Variants in PLS3 observed in about 807,000 individuals in gnomAD.
The protein encoded by PLS3 is plastin 3, also known as plastin-3.
PLS3 carries 11 observed loss-of-function variants against 46.5 expected under a neutral mutation model. That is an observed-to-expected ratio of 0.24 (90% confidence interval 0.15 to 0.39). The LOEUF (loss-of-function observed/expected upper bound fraction) is 0.39, where lower values mean the gene tolerates loss of function less well. Among genes scored for constraint, PLS3 ranks in the 10% least tolerant of loss-of-function variants. The pLI, the probability that PLS3 is intolerant of heterozygous loss-of-function variation, is 1.00. For missense variants in PLS3, 308 were observed against 461.8 expected, an observed-to-expected ratio of 0.67 and a Z score of 3.05; for synonymous variants, 167 against 162.2, an observed-to-expected ratio of 1.03 and a Z score of -0.22.
intron 5 of PLS3, 56 bp from the exon 6 acceptor site, chrX:115,633,944 A>C: frequency 1.6e-6 from 1 of 623,688 alleles, no homozygotes; most frequent in Admixed American, 2.6e-5. Flanking sequence ...GCCACTTTAT[A>C]AAAGGAAATC....
chrX:115,578,691 C>CAAAAAAAAAAAAAA (rs373605509), intron 1 of PLS3, among the ~76,000 whole-genome samples: 1 of 26,962 alleles, frequency 3.7e-5, no homozygotes, highest in Non-Finnish European at 6.9e-5. Flanking sequence ...CGCCACTGCA[C>CAAAAAAAAAAAAAA]AAAAAAAAAA....
At chrX:115,615,826 G>A (rs1285894714) in intron 2 of PLS3, among the ~76,000 whole-genome samples, 3 of 111,720 alleles carry the variant, frequency 2.7e-5, no homozygotes. Flanking sequence ...TGCTGGCATT[G>A]AAACTGCACT....
At chrX:115,634,202 G>A in intron 6 of PLS3, 121 bp downstream of exon 6, 4 of 476,931 alleles carry the variant, frequency 8.4e-6, no homozygotes, top group Non-Finnish European at 3.7e-6. Flanking sequence ...TTGAGTGTGG[G>A]ATTGTTATCC....
At chrX:115,587,150 A>G (rs73636300) in intron 1 of PLS3, among the ~76,000 whole-genome samples, 2,003 of 112,533 alleles carry the variant, frequency 0.018, 46 homozygotes, top group African/African-American at 0.061. Context: ...CTGAATCAAG[A>G]TAGTGGCCCC....
intron 5 of PLS3, among the ~76,000 whole-genome samples, chrX:115,632,171 C>A (rs187849831): frequency 9.0e-6 from 1 of 111,237 alleles, no homozygotes; most frequent in African/African-American, 3.3e-5. Flanking sequence ...CTGCAGAACT[C>A]AAAAAATCTA....
chrX:115,636,910 A>C lies in PLS3; in HGVS notation c.823A>C (p.Arg275=). Residue 275 remains arginine, a synonymous_variant, in exon 8 of 16, where the codon AGA becomes CGA. Coordinates refer to ENST00000355899, the MANE Select transcript of PLS3 (RefSeq NM_005032.7). ...MKLSPEELLL[R]WANFHLENSG... is the part of the protein sequence containing the mutation. Reference sequence around the variant, plus strand: ...ATTGTCTCCAGAAGAGCTTCTGCTTAGATGGGCAAACTTTCATTTGGAAAA... The same window carrying C: ...ATTGTCTCCAGAAGAGCTTCTGCTTCGATGGGCAAACTTTCATTTGGAAAA... 3.3e-6 allele frequency: 4 copies of C among 1,208,687 alleles called. No individual in the cohort carries two copies. Among genetic ancestry groups the C allele is most frequent in the Non-Finnish European group, 4.5e-6 (4 of 893,078 alleles).
rs191983147 is a variant in PLS3 at position 115,613,271 on chromosome X, T to C, written c.73+2948T>C. Among the ~76,000 whole-genome samples, 3 of 111,509 alleles carry C rather than the reference T, an allele frequency of 2.7e-5. No individual in the cohort carries two copies. The Admixed American group carries it at 2.9e-4, about 11-fold the overall frequency. Reference sequence around the variant, plus strand: ...TAAATGACTAGGAATAGTATGGGTGTATTCCTTTGAGGTTTCCCACCAAAC... The same window carrying C: ...TAAATGACTAGGAATAGTATGGGTGCATTCCTTTGAGGTTTCCCACCAAAC... On this transcript the variant is annotated intron_variant, in intron 2 of 15. Coordinates refer to ENST00000355899, the MANE Select transcript of PLS3 (RefSeq NM_005032.7).
intron 1 of PLS3, among the ~76,000 whole-genome samples, chrX:115,584,127 T>G (rs1232998286): frequency 1.8e-5 from 2 of 112,063 alleles, no homozygotes; most frequent in Non-Finnish European, 3.8e-5. Flanking sequence ...AGTAGATGCC[T>G]TTTATCCTTA....
intron 2 of PLS3, among the ~76,000 whole-genome samples, chrX:115,616,013 G>A (rs1001925814): frequency 8.9e-6 from 1 of 112,074 alleles, no homozygotes; most frequent in Non-Finnish European, 1.9e-5. Context: ...CAGCATGAAT[G>A]AGAAAATAAA....
chrX:115,629,266 T>C lies in PLS3; in HGVS notation c.306T>C (p.Gly102=). The C allele has an allele frequency of 8.3e-7, 1 of 1,202,570 alleles. No individual in the cohort carries two copies. Among genetic ancestry groups the C allele is most frequent in the African/African-American group, 1.7e-5 (1 of 57,547 alleles). ...GCAAAGCAATCAACAGGAAAGAAGG[T>C]ATTTGTGCTCTGGGTGGAACTTCAG... The part of the protein sequence containing the change: ...TFRKAINRKE[G]ICALGGTSEL... Residue 102 remains glycine (G), a synonymous_variant, in exon 4 of 16, where the codon GGT becomes GGC. Transcript: ENST00000355899.
At chrX:115,633,578 A>G (rs2074800345) in intron 5 of PLS3, among the ~76,000 whole-genome samples, 1 of 109,433 alleles carries the variant, frequency 9.1e-6, no homozygotes, top group South Asian at 3.9e-4. Flanking sequence ...CTAACTTTGA[A>G]CTCCTGGGCT....
chrX:115,589,980 T>C (rs2074334059), intron 1 of PLS3, among the ~76,000 whole-genome samples: 1 of 111,802 alleles, frequency 8.9e-6, no homozygotes, highest in Non-Finnish European at 1.9e-5. Context: ...TGCCTCAGCC[T>C]CCCAAGTAGC....
intron 1 of PLS3, among the ~76,000 whole-genome samples, chrX:115,589,123 A>G (rs1250491888): frequency 9.1e-6 from 1 of 110,342 alleles, no homozygotes; most frequent in Non-Finnish European, 1.9e-5. Context: ...GACAGCCACC[A>G]TGCCCAGCTA....
intron 1 of PLS3, among the ~76,000 whole-genome samples, chrX:115,609,994 T>G (rs185145403): frequency 2.7e-5 from 3 of 112,343 alleles, no homozygotes; most frequent in Non-Finnish European, 5.6e-5. Flanking sequence ...CTTAAACTTT[T>G]TGAATGTAAT....
chrX:115,643,202 C>A, intron 9 of PLS3, 111 bp from the exon 10 acceptor site: 1 of 505,198 alleles, frequency 2.0e-6, no homozygotes, highest in South Asian at 3.2e-5. Flanking sequence ...TAATAAGTAC[C>A]ATATGTTAGC....
At chrX:115,610,631 T>G (rs782160050) in intron 2 of PLS3, among the ~76,000 whole-genome samples, 2 of 110,356 alleles carry the variant, frequency 1.8e-5, no homozygotes, top group East Asian at 5.7e-4. Flanking sequence ...TGCCAAATTT[T>G]AGTTATTATT....
At chrX:115,613,635 A>G (rs782745716) in intron 2 of PLS3, among the ~76,000 whole-genome samples, 2 of 111,961 alleles carry the variant, frequency 1.8e-5, no homozygotes, top group Non-Finnish European at 3.8e-5. Context: ...CCATGTTTCA[A>G]AGGTGTGGAA....
In PLS3 at chrX:115,649,767, T is replaced by A. The variant is rs981450247; in HGVS notation, c.*206T>A. 9.4e-6 allele frequency: 3 copies of A among 320,371 alleles called. No homozygotes were observed. Among genetic ancestry groups the A allele is most frequent in the Non-Finnish European group, 1.6e-5 (3 of 182,263 alleles). The allele number at this position is 320,371 out of a possible 1,213,427, so 26.4% of individuals were successfully genotyped here. A position where few individuals can be genotyped will look rare whatever the true frequency, so the allele number is the denominator to read the frequency against. On this transcript the variant is annotated 3_prime_UTR_variant, in exon 16 of 16. Transcript: ENST00000355899. ...CTCTTTCCCATAGTCAGAGTTGAAT[T>A]TGTCAGGCACGCCTGAAATGTGCTC...
chrX:115,639,136 C>T (rs2074869259), intron 8 of PLS3, among the ~76,000 whole-genome samples: 1 of 112,008 alleles, frequency 8.9e-6, no homozygotes, highest in South Asian at 3.7e-4. Context: ...ACAGATTTTG[C>T]TGGGTCTGCT....
Sources: allele counts gnomAD v4.1 joint callset (sites outside exome capture counted in the v4.1 genomes callset), GRCh38; gene constraint gnomAD v4.1.1; transcripts MANE v1.5; gene names NCBI Gene and HGNC (gene_info 2026-07-23, HGNC 2026-07-21).